SHISA9: variants seen among roughly 807,000 people sequenced by gnomAD.
The protein encoded by SHISA9 is protein shisa-9.
Under a neutral mutation model 38.0 loss-of-function variants are expected in SHISA9, and 13 were observed. The ratio of observed to expected loss-of-function variants is 0.34; its 90% CI spans 0.22 to 0.54. SHISA9 has a LOEUF of 0.54. Among genes scored for constraint, SHISA9 ranks in the 20% least tolerant of loss-of-function variants. The pLI is 0.91. For missense variants in SHISA9, 538 were observed against 575.8 expected (o/e 0.93, Z 0.67); for synonymous variants, 275 against 242.0 (o/e 1.14, Z -1.27).
intron 2 of SHISA9, among the ~76,000 whole-genome samples, chr16:13,096,258 T>C (rs1016377923): frequency 6.6e-6 from 1 of 152,216 alleles, no homozygotes; most frequent in Admixed American, 6.5e-5. Flanking sequence ...GTAGCTGGAT[T>C]ATGTACTGAG....
At chr16:12,974,587 G>C (rs2072131666) in intron 2 of SHISA9, among the ~76,000 whole-genome samples, 1 of 141,050 alleles carries the variant, frequency 7.1e-6, no homozygotes, top group Admixed American at 7.6e-5. Flanking sequence ...CCAGGTTCAA[G>C]CGATTCTCCT....
At chr16:13,488,467 A>G in the SHISA9 span, among the ~76,000 whole-genome samples, 29 of 152,158 alleles carry the variant, frequency 1.9e-4, no homozygotes, top group African/African-American at 6.3e-4. Context: ...TTACATATAC[A>G]TTACTGTTGC....
chr16:13,346,639 T>C, the SHISA9 span, among the ~76,000 whole-genome samples: 1 of 152,208 alleles, frequency 6.6e-6, no homozygotes, highest in African/African-American at 2.4e-5. Context: ...TATTTATGTT[T>C]GTATTTGTAT....
At chr16:13,269,311 C>G in the SHISA9 span, among the ~76,000 whole-genome samples, 1 of 152,240 alleles carries the variant, frequency 6.6e-6, no homozygotes, top group Non-Finnish European at 1.5e-5. Context: ...GGAAATGCTA[C>G]TCAACCTCTC....
At chr16:13,521,176 GA>G in the SHISA9 span, among the ~76,000 whole-genome samples, 1 of 152,126 alleles carries the variant, frequency 6.6e-6, no homozygotes, top group Non-Finnish European at 1.5e-5. Flanking sequence ...TTACTGGGTG[GA>G]AAATTTCCAG....
chr16:13,356,272 A>G, the SHISA9 span, among the ~76,000 whole-genome samples: 1 of 152,230 alleles, frequency 6.6e-6, no homozygotes, highest in Non-Finnish European at 1.5e-5. Flanking sequence ...GGGTAATAAA[A>G]TGTATTTTGA....
intron 2 of SHISA9, among the ~76,000 whole-genome samples, chr16:12,937,029 A>G (rs751954578): frequency 1.3e-5 from 2 of 152,144 alleles, no homozygotes; most frequent in Non-Finnish European, 2.9e-5. Flanking sequence ...GTAATTTCAC[A>G]TACTTAGCTG....
intron 2 of SHISA9, among the ~76,000 whole-genome samples, chr16:13,013,098 C>G (rs2072698535): frequency 6.6e-6 from 1 of 152,204 alleles, no homozygotes; most frequent in African/African-American, 2.4e-5. Context: ...CAGGACCTTT[C>G]CATGATCTGT....
rs186172482 is a variant in SHISA9, at chr16:13,111,144, C to T, written c.692-92250C>T. On this transcript the variant is annotated intron_variant, in intron 2 of 4. Coordinates refer to ENST00000558583, the MANE Select transcript of SHISA9 (RefSeq NM_001145204.3). ...AGGACATAGGCATGGGTAAAGACTT[C>T]ATGACTAAAACACCAAAAGCAATGG... is the stretch of plus-strand genomic sequence containing the variant. 7.9e-5 allele frequency among the ~76,000 whole-genome samples: 12 copies of T among 152,256 alleles called. No individual in the cohort carries two copies. In the East Asian group the frequency reaches 1.7e-3, roughly 22 times the overall value.
chr16:13,558,935 G>A, the SHISA9 span, among the ~76,000 whole-genome samples: 4 of 152,070 alleles, frequency 2.6e-5, no homozygotes, highest in East Asian at 1.9e-4. Flanking sequence ...GTATTGATTC[G>A]GGGGTTACAA....
the SHISA9 span, among the ~76,000 whole-genome samples, chr16:13,358,172 T>C: frequency 2.0e-5 from 3 of 152,118 alleles, no homozygotes; most frequent in African/African-American, 7.2e-5. Flanking sequence ...CTAGCTATGA[T>C]TGGTAGTGAC....
chr16:13,022,172 G>C (rs142510890), intron 2 of SHISA9, among the ~76,000 whole-genome samples: 1 of 151,928 alleles, frequency 6.6e-6, no homozygotes, highest in Non-Finnish European at 1.5e-5. Flanking sequence ...ATTTTTTCAA[G>C]TCAGAGTGTT....
At chr16:13,049,156 ATGTGTGTGTGTG>A (rs10526925) in intron 2 of SHISA9, among the ~76,000 whole-genome samples, 1,335 of 63,950 alleles carry the variant, frequency 0.021, 9 homozygotes, top group South Asian at 0.075. Flanking sequence ...GGTTAGGAGT[ATGTGTGTGTGTG>A]TGTGTGTGTG....
At chr16:13,188,659 G>T (rs992616141) in intron 2 of SHISA9, among the ~76,000 whole-genome samples, 1 of 142,840 alleles carries the variant, frequency 7.0e-6, no homozygotes. Flanking sequence ...CGAGGGTGCT[G>T]TGAGCTATGA....
the SHISA9 span, among the ~76,000 whole-genome samples, chr16:13,524,385 T>C: frequency 6.6e-6 from 1 of 152,180 alleles, no homozygotes; most frequent in Non-Finnish European, 1.5e-5. Context: ...GTCTGAGCAC[T>C]GACAAATAAA....
chr16:13,098,023 A>C (rs190358074), intron 2 of SHISA9, among the ~76,000 whole-genome samples: 1 of 152,322 alleles, frequency 6.6e-6, no homozygotes, highest in African/African-American at 2.4e-5. Context: ...ATGTATGCAC[A>C]ATCTTTCAAC....
the SHISA9 span, among the ~76,000 whole-genome samples, chr16:13,513,380 A>C: frequency 1.3e-5 from 2 of 152,212 alleles, no homozygotes; most frequent in Non-Finnish European, 2.9e-5. Context: ...ATGTTTTTAC[A>C]CTGTTGGTAG....
intron 2 of SHISA9, among the ~76,000 whole-genome samples, chr16:13,047,286 A>G (rs1036886105): frequency 2.0e-5 from 3 of 151,802 alleles, no homozygotes; most frequent in African/African-American, 7.3e-5. Context: ...ACTCCCTGCC[A>G]CTGGCCAGCA....
At chr16:13,112,361 A>G (rs1266546990) in intron 2 of SHISA9, among the ~76,000 whole-genome samples, 1 of 152,082 alleles carries the variant, frequency 6.6e-6, no homozygotes, top group Non-Finnish European at 1.5e-5. Flanking sequence ...TGGGAAGTGA[A>G]GAAGAAGGGA....
Sources: gnomAD v4.1 joint callset for allele counts (sites outside exome capture counted in the v4.1 genomes callset) on GRCh38, gnomAD v4.1.1 for gene constraint, MANE v1.5 for transcripts, NCBI Gene and HGNC (gene_info 2026-07-23, HGNC 2026-07-21) for gene names.